The following SSBP3 variants were observed in gnomAD, a reference collection of about 807,000 sequenced individuals.
SSBP3 encodes single-stranded DNA-binding protein 3.
Under a neutral mutation model 69.6 loss-of-function variants are expected in SSBP3, and 5 were observed. The observed-to-expected ratio is 0.07, with a 90% CI of 0.04 to 0.15. The LOEUF is 0.15. SSBP3 is among the 10% of genes least tolerant of loss of function. The probability of loss-of-function intolerance (pLI) is 1.00; values close to 1 mark genes in which losing one functional copy is unlikely to be tolerated. For synonymous variants in SSBP3, 196 were observed against 193.4 expected (o/e 1.01, Z -0.11); for missense variants, 312 against 534.0 (o/e 0.58, Z 4.10).
At chr1:54,313,312 G>C (rs1391990932) in intron 4 of SSBP3, among the ~76,000 whole-genome samples, 1 of 152,002 alleles carries the variant, frequency 6.6e-6, no homozygotes, top group African/African-American at 2.4e-5. Context: ...AGGCAGCTGG[G>C]AGCACAGTCT....
intron 4 of SSBP3, among the ~76,000 whole-genome samples, chr1:54,380,000 G>A (rs1259115714): frequency 6.6e-6 from 1 of 152,150 alleles, no homozygotes; most frequent in Admixed American, 6.5e-5. Context: ...TGGGGCTGGA[G>A]GAGGGCCTCT....
chr1:54,411,280 C>G (rs1443236681), upstream of SSBP3, among the ~76,000 whole-genome samples: 1 of 151,922 alleles, frequency 6.6e-6, no homozygotes, highest in Admixed American at 6.6e-5. Context: ...GAGTTCGAGA[C>G]CAGCCCGGCC....
At chr1:54,348,265 T>G (rs923815986) in intron 4 of SSBP3, among the ~76,000 whole-genome samples, 2,670 of 31,874 alleles carry the variant, frequency 0.084, 2 homozygotes, top group Non-Finnish European at 0.099. Context: ...GGGGGGCGGG[T>G]GAGGACAGGT....
chr1:54,372,723 G>C (rs772105920), intron 4 of SSBP3, among the ~76,000 whole-genome samples: 3 of 152,210 alleles, frequency 2.0e-5, no homozygotes, highest in Non-Finnish European at 4.4e-5. Context: ...GGGCTCAGGA[G>C]CATCAGGCAT....
chr1:54,408,505 G>A (rs1212186603), upstream of SSBP3, among the ~76,000 whole-genome samples: 2 of 152,128 alleles, frequency 1.3e-5, no homozygotes, highest in Admixed American at 1.3e-4. Flanking sequence ...CAAATTAGGA[G>A]TATCGGTTTG....
chr1:54,251,519 TGA>T lies in SSBP3; in HGVS notation c.651+95_651+96del, dbSNP rs1463213393. The stretch of plus-strand genomic sequence containing the variant: ...TGCCCTTCCTCTCACCCCTGCGAAC[TGA>T]GAGATGTGGGAGACTGACAGAGCAT... On this transcript the variant is annotated intron_variant, in intron 9 of 17. Coordinates refer to ENST00000610401, the Ensembl canonical transcript of SSBP3. 5.3e-6 allele frequency: 7 copies of T among 1,310,828 alleles called. No individual in the cohort carries two copies. In the Admixed American group the frequency reaches 1.1e-4, roughly 21 times the overall value. The allele number at this position is 1,310,828 out of a possible 1,614,324, so 81.2% of individuals were successfully genotyped here.
chr1:54,301,624 G>A (rs1645802583), intron 4 of SSBP3, among the ~76,000 whole-genome samples: 1 of 152,208 alleles, frequency 6.6e-6, no homozygotes, highest in South Asian at 2.1e-4. Flanking sequence ...TCAGGCCAGG[G>A]AGAGAAGAAC....
intron 4 of SSBP3, among the ~76,000 whole-genome samples, chr1:54,293,105 T>G (rs1645637544): frequency 6.6e-6 from 1 of 152,060 alleles, no homozygotes; most frequent in Admixed American, 6.5e-5. Flanking sequence ...TGCTAAAGTC[T>G]GGTGGGAGCC....
At chr1:54,405,054 G>C (rs1489312383) in intron 1 of SSBP3, 124 bp from the exon 2 acceptor site, 2 of 847,538 alleles carry the variant, frequency 2.4e-6, no homozygotes, top group Non-Finnish European at 2.0e-6. Flanking sequence ...CCCGACCAGA[G>C]GTAAGCAGCT....
At position 54,227,374 on chromosome 1, in the gene SSBP3, G is replaced by A. The variant is rs540006573; in HGVS notation, c.1138-214C>T. On this transcript the variant is annotated intron_variant, in intron 17 of 17. Transcript: ENST00000610401. ...GGCGGGAGCTAAGAGCCACTTCTCA[G>A]TGCCAGCCTGCCCTTCTGTTGGGAA... is the stretch of plus-strand genomic sequence containing the variant. Among the ~76,000 whole-genome samples the A allele has an allele frequency of 2.0e-5, 3 of 152,294 alleles. No homozygotes were observed. The South Asian group carries it at 6.2e-4, about 32-fold the overall frequency.
intron 17 of SSBP3, 51 bp from the exon 18 acceptor site, chr1:54,227,211 G>A (rs758093263): frequency 1.3e-5 from 14 of 1,064,088 alleles, no homozygotes; most frequent in Non-Finnish European, 1.8e-5. Context: ...TGGGGAGGCC[G>A]CTGACACACC....
At chr1:54,380,775 G>A (rs912211078) in intron 4 of SSBP3, among the ~76,000 whole-genome samples, 4 of 152,168 alleles carry the variant, frequency 2.6e-5, no homozygotes, top group Non-Finnish European at 5.9e-5. Context: ...GTAAAGCCTA[G>A]AAGAATTAAG....
chr1:54,394,695 CTT>C (rs544898836), intron 4 of SSBP3, among the ~76,000 whole-genome samples: 19 of 97,142 alleles, frequency 2.0e-4, no homozygotes, highest in South Asian at 8.0e-4. Context: ...CTTAAGACTC[CTT>C]TTTTTTTTTT....
chr1:54,245,595 G>C (rs903114940), intron 9 of SSBP3, among the ~76,000 whole-genome samples: 9 of 152,188 alleles, frequency 5.9e-5, no homozygotes, highest in African/African-American at 2.2e-4. Flanking sequence ...AGGATGTCCA[G>C]ACAGGATGCA....
intron 4 of SSBP3, among the ~76,000 whole-genome samples, chr1:54,398,445 T>C (rs1017920239): frequency 5.9e-5 from 9 of 152,180 alleles, no homozygotes; most frequent in Admixed American, 5.9e-4. Context: ...GGATTGCTTG[T>C]TGTTTGAGAA....
intron 14 of SSBP3, among the ~76,000 whole-genome samples, chr1:54,230,058 A>G (rs1023296922): frequency 5.3e-5 from 8 of 152,238 alleles, no homozygotes; most frequent in Admixed American, 1.3e-4. Flanking sequence ...GGGGTCCCAC[A>G]TGAGCAGAAG....
At chr1:54,378,169 C>CA (rs1647331905) in intron 4 of SSBP3, among the ~76,000 whole-genome samples, 1 of 152,200 alleles carries the variant, frequency 6.6e-6, no homozygotes, top group Admixed American at 6.5e-5. Context: ...ATTTTTATAA[C>CA]AAATGAACTG....
intron 4 of SSBP3, among the ~76,000 whole-genome samples, chr1:54,283,234 C>A (rs1645428189): frequency 6.7e-6 from 1 of 148,372 alleles, no homozygotes; most frequent in Non-Finnish European, 1.5e-5. Context: ...CACCACTGCA[C>A]TCCAGCCTGG....
chr1:54,258,529 G>C lies in SSBP3; in HGVS notation c.367-380C>G, dbSNP rs1375866088. On this transcript the variant is annotated intron_variant, in intron 5 of 17. Coordinates refer to ENST00000610401, the Ensembl canonical transcript of SSBP3. This position sits in a 1 kb window ranked among gnomAD's most constrained non-coding sequence, Gnocchi z 4.5. Reference sequence around the variant, plus strand: ...ATGATGCACAGACACAGGGACCCAGGTGCAAAGCACGTAGGTGCCGCTTGC... The same window carrying C: ...ATGATGCACAGACACAGGGACCCAGCTGCAAAGCACGTAGGTGCCGCTTGC... Among the ~76,000 whole-genome samples the C allele has an allele frequency of 1.3e-5, 2 of 152,206 alleles. No homozygotes were observed. The highest frequency in any genetic ancestry group is 2.9e-5 in the Non-Finnish European group (2 of 68,038).
Sources: allele counts gnomAD v4.1 joint callset (sites outside exome capture counted in the v4.1 genomes callset), GRCh38; gene constraint gnomAD v4.1.1; non-coding constraint Gnocchi (gnomAD v3.1); transcripts MANE v1.5; gene names NCBI Gene and HGNC (gene_info 2026-07-23, HGNC 2026-07-21).